SLC6A11: variants seen among roughly 807,000 people sequenced by gnomAD.
The protein encoded by SLC6A11 is sodium- and chloride-dependent GABA transporter 3.
SLC6A11 carries 25 observed loss-of-function variants against 74.8 expected under a neutral mutation model. The ratio of observed to expected loss-of-function variants is 0.33; its 90% CI spans 0.24 to 0.47. SLC6A11 has a LOEUF of 0.47. SLC6A11 is among the 20% of genes least tolerant of loss of function. SLC6A11 has a pLI of 1.00. For synonymous variants in SLC6A11, 330 were observed against 330.2 expected, an observed-to-expected ratio of 1.00 and a Z score of 0.01; for missense variants, 574 against 837.0, an observed-to-expected ratio of 0.69 and a Z score of 3.88.
chr3:10,853,785 G>A (rs1335431825), intron 5 of SLC6A11, among the ~76,000 whole-genome samples: 7 of 152,134 alleles, frequency 4.6e-5, no homozygotes, highest in African/African-American at 1.2e-4. Flanking sequence ...ATACCTTCAC[G>A]GCAACACCTT....
intron 13 of SLC6A11, among the ~76,000 whole-genome samples, chr3:10,935,969 A>G (rs1695755175): frequency 6.6e-6 from 1 of 152,040 alleles, no homozygotes; most frequent in South Asian, 2.1e-4. Context: ...CCTACCCTGG[A>G]TGTTTCCTGT....
At position 10,918,260 on chromosome 3, in the gene SLC6A11, G is replaced by GGAGAACGTTT; in HGVS notation, c.996-65_996-56dup. 6.8e-7 allele frequency: 1 copy of GGAGAACGTTT among 1,467,252 alleles called. No individual in the cohort carries two copies. The highest frequency in any genetic ancestry group is 9.0e-7 in the Non-Finnish European group (1 of 1,109,924). 90.9% of individuals were successfully genotyped at this position (1,467,252 alleles called of 1,614,324 possible). On this transcript the variant is annotated intron_variant, in intron 7 of 13. Transcript: ENST00000254488. The surrounding 1 kb of genome is among the most constrained non-coding windows in gnomAD (Gnocchi z 4.5). ...CACAGGACAGCCATGGTGCTCGGGTGGAGAACGTTTGAGCCGTGCACCGGT... is the reference window on the plus strand; with the variant it reads ...CACAGGACAGCCATGGTGCTCGGGTGGAGAACGTTTGAGAACGTTTGAGCCGTGCACCGGT...
intron 6 of SLC6A11, among the ~76,000 whole-genome samples, chr3:10,886,501 A>G (rs1243914588): frequency 1.3e-5 from 2 of 152,200 alleles, no homozygotes; most frequent in Non-Finnish European, 2.9e-5. Context: ...ACCTCTGACC[A>G]CATGAGCTCA....
chr3:10,931,446 AG>A (rs1381728922), intron 10 of SLC6A11, among the ~76,000 whole-genome samples: 2 of 152,214 alleles, frequency 1.3e-5, no homozygotes, highest in Non-Finnish European at 2.9e-5. Context: ...CGTACTCCAC[AG>A]AGAGGTGCCT....
chr3:10,937,460 G>A (rs1695771973), intron 13 of SLC6A11, among the ~76,000 whole-genome samples: 1 of 152,198 alleles, frequency 6.6e-6, no homozygotes, highest in African/African-American at 2.4e-5. Flanking sequence ...ATGGAACCTC[G>A]ATCCTGAGAA....
intron 8 of SLC6A11, among the ~76,000 whole-genome samples, chr3:10,919,985 A>G (rs1695514211): frequency 6.6e-6 from 1 of 152,028 alleles, no homozygotes; most frequent in Non-Finnish European, 1.5e-5. Flanking sequence ...GCCCTTCACA[A>G]AACACCTCTG....
chr3:10,820,456 G>A (rs1247728039), intron 3 of SLC6A11, among the ~76,000 whole-genome samples: 1 of 152,176 alleles, frequency 6.6e-6, no homozygotes, highest in Non-Finnish European at 1.5e-5. Flanking sequence ...TAGCCAAGAG[G>A]TGGCTATTGC....
chr3:10,913,803 C>T (rs1363213634), intron 7 of SLC6A11, among the ~76,000 whole-genome samples: 2 of 152,220 alleles, frequency 1.3e-5, no homozygotes, highest in East Asian at 1.9e-4. Context: ...ACGCCATTCT[C>T]CTGCCTCAGC....
chr3:10,882,226 A>G (rs1274619914), intron 6 of SLC6A11, among the ~76,000 whole-genome samples: 2 of 152,194 alleles, frequency 1.3e-5, no homozygotes, highest in Non-Finnish European at 2.9e-5. Flanking sequence ...CTTGGGAGCC[A>G]TTTTACTTTC....
At chr3:10,892,501 A>G (rs1695118445) in intron 6 of SLC6A11, among the ~76,000 whole-genome samples, 1 of 151,788 alleles carries the variant, frequency 6.6e-6, no homozygotes, top group Admixed American at 6.6e-5. Context: ...TTGAACTGTC[A>G]CTGTACCTCC....
chr3:10,912,884 C>T (rs1002331042), intron 7 of SLC6A11, among the ~76,000 whole-genome samples: 4 of 152,216 alleles, frequency 2.6e-5, no homozygotes, highest in East Asian at 1.9e-4. Context: ...GGGGTCTCTG[C>T]ACCCCTGAAC....
At chr3:10,838,941 C>T (rs1292948820) in intron 4 of SLC6A11, among the ~76,000 whole-genome samples, 3 of 152,142 alleles carry the variant, frequency 2.0e-5, no homozygotes, top group Admixed American at 1.3e-4. Flanking sequence ...GCTCCTTCCT[C>T]CAAGTCTCTT....
chr3:10,823,554 T>C (rs1156245286), intron 4 of SLC6A11, 162 bp downstream of exon 4: 2 of 592,038 alleles, frequency 3.4e-6, no homozygotes, highest in Non-Finnish European at 6.1e-6. Flanking sequence ...AGAGTGCAGA[T>C]CTTCAGAGGT....
At chr3:10,911,472 G>C (rs535328080) in intron 6 of SLC6A11, among the ~76,000 whole-genome samples, 15 of 152,222 alleles carry the variant, frequency 9.9e-5, no homozygotes, top group South Asian at 8.3e-4. Context: ...AAGCCTAGAG[G>C]GGGGGAGTCT....
chr3:10,849,823 C>T (rs55830097), intron 5 of SLC6A11, among the ~76,000 whole-genome samples: 3 of 59,134 alleles, frequency 5.1e-5, no homozygotes, highest in South Asian at 6.0e-4. Flanking sequence ...AAAAAAAAAA[C>T]GAAAAAAAAC....
intron 6 of SLC6A11, among the ~76,000 whole-genome samples, chr3:10,906,712 G>C (rs546349058): frequency 6.6e-6 from 1 of 152,090 alleles, no homozygotes; most frequent in Non-Finnish European, 1.5e-5. Flanking sequence ...GAGAAATTAC[G>C]GGAAGCAGAC....
At chr3:10,882,353 G>A (rs1694991738) in intron 6 of SLC6A11, among the ~76,000 whole-genome samples, 1 of 152,150 alleles carries the variant, frequency 6.6e-6, no homozygotes, top group Non-Finnish European at 1.5e-5. Flanking sequence ...CACAATGAAG[G>A]TCCCAACCAC....
intron 6 of SLC6A11, among the ~76,000 whole-genome samples, chr3:10,883,615 C>G (rs1695008406): frequency 2.0e-5 from 3 of 152,116 alleles, no homozygotes; most frequent in Admixed American, 1.3e-4. Flanking sequence ...CTCCCCAACC[C>G]ACAAAAAGAT....
chr3:10,838,643 G>C (rs2106582023), intron 4 of SLC6A11, among the ~76,000 whole-genome samples: 1 of 152,318 alleles, frequency 6.6e-6, no homozygotes, highest in East Asian at 1.9e-4. Flanking sequence ...TAGCTACTCA[G>C]GAGGCTGAGG....
Sources: allele counts gnomAD v4.1 joint callset (sites outside exome capture counted in the v4.1 genomes callset), GRCh38; gene constraint gnomAD v4.1.1; non-coding constraint Gnocchi (gnomAD v3.1); transcripts MANE v1.5; gene names NCBI Gene and HGNC (gene_info 2026-07-23, HGNC 2026-07-21).